DRC4: variants seen among roughly 807,000 people sequenced by gnomAD.
DRC4 encodes the protein GAS-11.
the DRC4 span, chr16:90,042,683 C>A: frequency 1.5e-6 from 1 of 676,102 alleles, no homozygotes; most frequent in South Asian, 1.7e-5. Context: ...AGGGTGCAGT[C>A]ATAGCCGAGA....
At chr16:90,035,904 C>A in the DRC4 span, 2 of 1,450,082 alleles carry the variant, frequency 1.4e-6, no homozygotes, top group Non-Finnish European at 1.8e-6. Context: ...CTGTGATTAC[C>A]ACACACATTC....
chr16:90,034,196 G>T, the DRC4 span, among the ~76,000 whole-genome samples: 7 of 152,218 alleles, frequency 4.6e-5, no homozygotes, highest in African/African-American at 1.7e-4. Flanking sequence ...GAATCTGGAA[G>T]AAACTTGGTG....
chr16:90,031,458 A>T, the DRC4 span: 2 of 1,596,016 alleles, frequency 1.3e-6, no homozygotes, highest in African/African-American at 2.7e-5. Context: ...AGACCGGGAG[A>T]TGGAAGAAGC....
the DRC4 span, chr16:90,036,412 G>T: frequency 2.5e-6 from 4 of 1,610,642 alleles, no homozygotes; most frequent in Non-Finnish European, 3.4e-6. Flanking sequence ...AGAAGATGAA[G>T]ATGCTGAGGG....
chr16:90,043,177 C>T, the DRC4 span: 1 of 1,599,986 alleles, frequency 6.3e-7, no homozygotes, highest in Non-Finnish European at 8.5e-7. Context: ...AGCTCCCTGA[C>T]ACTGCCCTGT....
the DRC4 span, chr16:90,035,603 G>A: frequency 6.2e-7 from 1 of 1,614,146 alleles, no homozygotes; most frequent in Non-Finnish European, 8.5e-7. Context: ...GTGTCCGGCT[G>A]TGTAGTAATG....
the DRC4 span, chr16:90,031,066 G>T: frequency 6.6e-6 from 6 of 905,748 alleles, no homozygotes; most frequent in Admixed American, 3.0e-5. Flanking sequence ...TGGATGAAAG[G>T]ATCTAGTTAT....
the DRC4 span, chr16:90,042,451 A>C: frequency 6.2e-7 from 1 of 1,612,982 alleles, no homozygotes; most frequent in South Asian, 1.1e-5. Context: ...TCAAACTCCC[A>C]TCACCTCTCT....
At chr16:90,035,989 T>C in the DRC4 span, 1 of 1,108,652 alleles carries the variant, frequency 9.0e-7, no homozygotes, top group Non-Finnish European at 1.2e-6. Context: ...CTTAAAATAG[T>C]CTTCTCCATG....
chr16:90,040,785 T>C, the DRC4 span, among the ~76,000 whole-genome samples: 2 of 150,740 alleles, frequency 1.3e-5, no homozygotes, highest in East Asian at 3.9e-4. Context: ...GGGCAGAGGG[T>C]TGGAGAGCCG....
chr16:90,028,698 G>A, the DRC4 span, among the ~76,000 whole-genome samples: 3 of 152,224 alleles, frequency 2.0e-5, no homozygotes, highest in Non-Finnish European at 2.9e-5. Flanking sequence ...GGAGACGGCA[G>A]TGTGTGGCAA....
the DRC4 span, chr16:90,042,601 C>T: frequency 3.5e-5 from 50 of 1,417,626 alleles, no homozygotes; most frequent in Middle Eastern, 2.3e-4. Flanking sequence ...TAAATGCAGA[C>T]GGTCTCTGAG....
the DRC4 span, chr16:90,031,396 G>A: frequency 6.2e-7 from 1 of 1,613,804 alleles, no homozygotes; most frequent in African/African-American, 1.3e-5. Flanking sequence ...CACACCTTCT[G>A]GGAGATCACA....
chr16:90,020,555 C>A, the DRC4 span, among the ~76,000 whole-genome samples: 1 of 152,206 alleles, frequency 6.6e-6, no homozygotes, highest in Non-Finnish European at 1.5e-5. Flanking sequence ...CAGCTTGACA[C>A]TGAATGAAAG....
the DRC4 span, chr16:90,029,733 C>T: frequency 1.0e-5 from 2 of 196,504 alleles, no homozygotes; most frequent in Admixed American, 5.4e-5. Flanking sequence ...GAAAAAGGCT[C>T]ACAGTAAGTG....
the DRC4 span, among the ~76,000 whole-genome samples, chr16:90,023,352 T>G: frequency 6.6e-6 from 1 of 152,134 alleles, no homozygotes; most frequent in East Asian, 1.9e-4. Context: ...GCGGAGCTCG[T>G]GGCCTCATCA....
chr16:90,027,238 G>A, the DRC4 span, among the ~76,000 whole-genome samples: 80,564 of 151,360 alleles, frequency 0.53, 22,230 homozygotes, highest in East Asian at 0.95. Context: ...GGCGCCCACC[G>A]GCACGCCCGG....
the DRC4 span, chr16:90,027,829 C>A: frequency 2.0e-6 from 2 of 1,007,906 alleles, no homozygotes; most frequent in Non-Finnish European, 3.1e-6. Context: ...CCCTTCTGTC[C>A]AAGCCAGAAC....
chr16:90,029,948 G>A, the DRC4 span: 1 of 153,008 alleles, frequency 6.5e-6, no homozygotes, highest in South Asian at 2.1e-4. Context: ...TAGTAGAGAC[G>A]AGGTTTCACC....
Sources: gnomAD v4.1 joint callset for allele counts (sites outside exome capture counted in the v4.1 genomes callset) on GRCh38, gnomAD v4.1.1 for gene constraint, MANE v1.5 for transcripts, NCBI Gene and HGNC (gene_info 2026-07-23, HGNC 2026-07-21) for gene names.